The following ATP1A3 variants were observed in gnomAD, a reference collection of about 807,000 sequenced individuals.
The protein encoded by ATP1A3 is ATPase Na+/K+ transporting subunit alpha 3.
In ATP1A3, 12 loss-of-function variants were observed where a neutral mutation model predicts 108.8. The observed-to-expected ratio is 0.11, with a 90% confidence interval of 0.07 to 0.18. The LOEUF (loss-of-function observed/expected upper bound fraction) is 0.18. Ranked by LOEUF, ATP1A3 falls within the 10% of genes least tolerant of loss-of-function variation. The pLI is 1.00. For synonymous variants in ATP1A3, 539 were observed against 564.5 expected (o/e 0.95, Z 0.64); for missense variants, 498 against 1,387.7 (o/e 0.36, Z 10.19).
chr19:41,993,526 C>T, intron 1 of ATP1A3: 2 of 1,245,460 alleles, frequency 1.6e-6, no homozygotes, highest in Non-Finnish European at 1.1e-6. Flanking sequence ...CACACACACA[C>T]ACACACACAC....
chr19:41,984,752 C>T, intron 8 of ATP1A3, 166 bp downstream of exon 8: 1 of 816,108 alleles, frequency 1.2e-6, no homozygotes, highest in Non-Finnish European at 1.9e-6. Context: ...CTTCTCCGGA[C>T]CCAGGGGTCC....
intron 8 of ATP1A3, among the ~76,000 whole-genome samples, chr19:41,982,391 C>T (rs1413502475): frequency 6.6e-6 from 1 of 152,050 alleles, no homozygotes; most frequent in Non-Finnish European, 1.5e-5. Flanking sequence ...TTTGGGAGGC[C>T]GAGGTAGGCG....
rs199926456 is a variant in ATP1A3, at chr19:41,970,324, C to G, written c.2419-16G>C. On this transcript the variant is annotated splice_polypyrimidine_tract_variant and intron_variant, in intron 17 of 22. Coordinates refer to ENST00000648268, the MANE Select transcript of ATP1A3 (RefSeq NM_152296.5). ...TGGCAGGGACCTAGGCGGAGGAGGC[C>G]GGGTGAGCCGGAGAGGGGAGGACTC... 1 of 1,613,928 alleles carries G rather than the reference C, an allele frequency of 6.2e-7. No homozygotes were observed. Among genetic ancestry groups the G allele is most frequent in the Non-Finnish European group, 8.5e-7 (1 of 1,179,966 alleles).
chr19:41,985,020 G>A lies in ATP1A3; in HGVS notation c.891C>T (p.Phe297=), dbSNP rs921400561. 2.5e-6 allele frequency: 4 copies of A among 1,614,024 alleles called. No individual in the cohort carries two copies. Among genetic ancestry groups the A allele is most frequent in the Non-Finnish European group, 3.4e-6 (4 of 1,179,998 alleles). ...TGTATCCGAGAATGAGGGAGAGGAT[G>A]AAGAAGGAGACACCCAGGAAGACAG... ...GVAVFLGVSF[F]ILSLILGYTW... Residue 297 remains phenylalanine, a synonymous_variant, in exon 8 of 23, where the codon TTC becomes TTT. Coordinates refer to ENST00000648268, the MANE Select transcript of ATP1A3 (RefSeq NM_152296.5). The surrounding 1 kb of genome is among the most constrained non-coding windows in gnomAD (Gnocchi z 8.2).
intron 1 of ATP1A3, 109 bp downstream of exon 1, chr19:41,993,962 C>T: frequency 6.4e-7 from 1 of 1,552,808 alleles, no homozygotes. Flanking sequence ...GTCTCGCAGG[C>T]CTGGCCCCGG....
In ATP1A3 at chr19:41,966,847, TC is replaced by T; in HGVS notation, c.*89del. On this transcript the variant is annotated 3_prime_UTR_variant, in exon 23 of 23. Coordinates refer to ENST00000648268, the MANE Select transcript of ATP1A3 (RefSeq NM_152296.5). ...TGGGGCCACAGGAAGAGAGGGCTCC[TC>T]CCCCCAGAATACAAAATTGGGGGGA... The T allele has an allele frequency of 2.6e-6, 4 of 1,538,448 alleles. No individual in the cohort carries two copies. The highest frequency in any genetic ancestry group is 2.6e-6 in the Non-Finnish European group (3 of 1,142,060).
chr19:41,991,431 T>C (rs1258682466), intron 1 of ATP1A3, among the ~76,000 whole-genome samples: 1 of 152,110 alleles, frequency 6.6e-6, no homozygotes, highest in Non-Finnish European at 1.5e-5. Context: ...GCACAGAGGC[T>C]TGGGGGACGG....
rs1432788169 is a variant in ATP1A3 at position 41,993,571 on chromosome 19, G to A, written c.6+500C>T. ...CACACTGCGGAGTCCCCCCATCCAG[G>A]CCTGGAAGGAGAAAGAGAGGTCATC... On this transcript the variant is annotated intron_variant, in intron 1 of 22. Coordinates refer to ENST00000648268, the MANE Select transcript of ATP1A3 (RefSeq NM_152296.5). 15 of 1,229,834 alleles carry A rather than the reference G, an allele frequency of 1.2e-5. No homozygotes were observed. The East Asian group carries it at 3.4e-4, about 28-fold the overall frequency. The allele number at this position is 1,229,834 out of a possible 1,614,324, so 76.2% of individuals were successfully genotyped here.
chr19:41,988,645 C>T lies in ATP1A3; in HGVS notation c.7-83G>A, dbSNP rs1555866431. 1 of 1,610,050 alleles carries T rather than the reference C, an allele frequency of 6.2e-7. No individual in the cohort carries two copies. Reference sequence around the variant, plus strand: ...TCCAGGAGGACACCGGCCCTCCATGCCCCAGCTATCCTCCTGGCCGGTGCC... The same window carrying T: ...TCCAGGAGGACACCGGCCCTCCATGTCCCAGCTATCCTCCTGGCCGGTGCC... On this transcript the variant is annotated intron_variant, in intron 1 of 22. Coordinates refer to ENST00000648268, the MANE Select transcript of ATP1A3 (RefSeq NM_152296.5). This position sits in a 1 kb window ranked among gnomAD's most constrained non-coding sequence, Gnocchi z 5.3.
chr19:41,967,172 C>T lies in ATP1A3; in HGVS notation c.3013+77G>A, dbSNP rs781793578. On this transcript the variant is annotated intron_variant, in intron 22 of 22. Coordinates refer to ENST00000648268, the MANE Select transcript of ATP1A3 (RefSeq NM_152296.5). The surrounding 1 kb of genome is among the most constrained non-coding windows in gnomAD (Gnocchi z 4.2). ...CAGGTGGCAGAGCCATCCAGCAGGG[C>T]GAGGGGAGCCTGGGACCAGCTGCCT... 100 of 1,603,592 alleles carry T rather than the reference C, an allele frequency of 6.2e-5. No homozygotes were observed. The highest frequency in any genetic ancestry group is 1.6e-4 in the Middle Eastern group (1 of 6,064).
rs374107131 is a variant in ATP1A3 at position 41,976,515 on chromosome 19, G to A, written c.1995C>T (p.Ser665=). 31 of 1,614,064 alleles carry A rather than the reference G, an allele frequency of 1.9e-5. No individual in the cohort carries two copies. The highest frequency in any genetic ancestry group is 1.5e-4 in the South Asian group (14 of 91,088). Residue 665 remains serine (S), a synonymous_variant, in exon 15 of 23, where the codon TCC becomes TCT. Coordinates refer to ENST00000648268, the MANE Select transcript of ATP1A3 (RefSeq NM_152296.5). ...TCTGCAGGATCTCGTCGATTTGCTC[G>A]GAGGTGAAGTCCTTGAGGTCGGTGC... ...IHGTDLKDFT[S]EQIDEILQNH... is the part of the protein sequence containing the mutation.
rs782057287 is a variant in ATP1A3, at chr19:41,969,507, G to C, written c.2616C>G (p.Asn872Lys). Residue 872 changes from asparagine to lysine, a missense_variant, in exon 19 of 23, where the codon AAC becomes AAG. Coordinates refer to ENST00000648268, the MANE Select transcript of ATP1A3 (RefSeq NM_152296.5). ...ILAENGFLPG[N>K]LVGIRLNWDD... ...CCCAGTTCAGCCGGATGCCCACCAG[G>C]TTGCCGGGCAAGAAGCCATTTTCTG... 1 of 1,614,160 alleles carries C rather than the reference G, an allele frequency of 6.2e-7. No individual in the cohort carries two copies. Among genetic ancestry groups the C allele is most frequent in the Admixed American group, 1.7e-5 (1 of 60,026 alleles).
In ATP1A3 at chr19:41,975,725, C is replaced by A. The variant is rs2075158686; in HGVS notation, c.2167G>T (p.Ala723Ser). 6.2e-7 allele frequency: 1 copy of A among 1,614,026 alleles called. No homozygotes were observed. The highest frequency in any genetic ancestry group is 8.5e-7 in the Non-Finnish European group (1 of 1,180,012). ...PALKKADIGV[A>S]MGIAGSDVSK... ...ACGTCAGAGCCAGCGATGCCCATGGCCACCCCAATGTCGGCCTTCTTCAGA... is the reference window on the plus strand; with the variant it reads ...ACGTCAGAGCCAGCGATGCCCATGGACACCCCAATGTCGGCCTTCTTCAGA... The change falls in exon 16 of 23, where the codon GCC becomes TCC. Residue 723 changes from alanine (A) to serine (S), a missense_variant. Ala to Ser is a moderately conservative substitution (Grantham distance 99). Transcript: ENST00000648268.
At chr19:41,969,224 G>A (rs184352393) in intron 19 of ATP1A3, among the ~76,000 whole-genome samples, 2 of 152,304 alleles carry the variant, frequency 1.3e-5, no homozygotes, top group African/African-American at 2.4e-5. Flanking sequence ...GGGGAAGAAG[G>A]CCTGGCAGGG....
At position 41,967,859 on chromosome 19, in the gene ATP1A3, A is replaced by C. The variant is rs1029388789; in HGVS notation, c.2820-96T>G. On this transcript the variant is annotated intron_variant, in intron 20 of 22. Coordinates refer to ENST00000648268, the MANE Select transcript of ATP1A3 (RefSeq NM_152296.5). This position sits in a 1 kb window ranked among gnomAD's most constrained non-coding sequence, Gnocchi z 4.2. ...GGGGAGGCACAGTGCAGACACCCAGAGACAGCAGCACAGACACAGAGACAG... is the reference window on the plus strand; with the variant it reads ...GGGGAGGCACAGTGCAGACACCCAGCGACAGCAGCACAGACACAGAGACAG... 2.0e-6 allele frequency: 2 copies of C among 1,018,438 alleles called. No individual in the cohort carries two copies. Among genetic ancestry groups the C allele is most frequent in the Non-Finnish European group, 3.0e-6 (2 of 657,368 alleles). 63.1% of individuals were successfully genotyped at this position (1,018,438 alleles called of 1,614,324 possible). A position where few individuals can be genotyped will look rare whatever the true frequency, so the allele number is the denominator to read the frequency against.
intron 4 of ATP1A3, among the ~76,000 whole-genome samples, chr19:41,987,201 C>G (rs2075295195): frequency 6.8e-6 from 1 of 146,066 alleles, no homozygotes; most frequent in Non-Finnish European, 1.5e-5. Context: ...GTCTCTGTGT[C>G]TCCAGCTCTG....
chr19:41,976,236 A>G (rs2075167740), intron 15 of ATP1A3, among the ~76,000 whole-genome samples, 180 bp downstream of exon 15: 2 of 95,498 alleles, frequency 2.1e-5, no homozygotes, highest in Admixed American at 2.6e-4. Flanking sequence ...CCAAGGGTCC[A>G]GGTCCCCAGC....
Position 41,981,629 on chromosome 19 carries a change from AC to A in ATP1A3, c.1309del (p.Val437TrpfsTer21), listed in dbSNP as rs782262885. 6.2e-7 allele frequency: 1 copy of A among 1,614,198 alleles called. No individual in the cohort carries two copies. The highest frequency in any genetic ancestry group is 8.5e-7 in the Non-Finnish European group (1 of 1,180,040). ...QDNIPVLKRD[V>X]AGDASESALL... is the part of the protein sequence containing the mutation. Reference sequence around the variant, plus strand: ...GGCAGACTCAGACGCATCCCCAGCCACATCCCTCTGCAAGGAGAAAGGGTTG... The same window carrying A: ...GGCAGACTCAGACGCATCCCCAGCCAATCCCTCTGCAAGGAGAAAGGGTTG... On this transcript the variant is annotated frameshift_variant, in exon 11 of 23. Transcript: ENST00000648268. LOFTEE classifies it high-confidence loss of function. This position sits in a 1 kb window ranked among gnomAD's most constrained non-coding sequence, Gnocchi z 5.0.
chr19:41,984,804 T>A, intron 8 of ATP1A3, 114 bp downstream of exon 8: 1 of 1,200,742 alleles, frequency 8.3e-7, no homozygotes, highest in Non-Finnish European at 1.1e-6. Flanking sequence ...GGTCCAGGCC[T>A]CTAGCCCCTC....
Sources: allele counts gnomAD v4.1 joint callset (sites outside exome capture counted in the v4.1 genomes callset), GRCh38; gene constraint gnomAD v4.1.1; non-coding constraint Gnocchi (gnomAD v3.1); transcripts MANE v1.5; gene names NCBI Gene and HGNC (gene_info 2026-07-23, HGNC 2026-07-21).